The following SNX29 variants were observed in gnomAD, a reference collection of about 807,000 sequenced individuals.
The protein encoded by SNX29 is sorting nexin 29.
A neutral mutation model predicts 102.1 loss-of-function variants in SNX29; 78 were observed. The observed-to-expected ratio is 0.76, with a 90% CI of 0.64 to 0.92. SNX29 has a LOEUF of 0.92. Ranked by LOEUF, SNX29 falls within the 40% of genes least tolerant of loss-of-function variation. The pLI is 0.00. For synonymous variants in SNX29, 580 were observed against 414.5 expected, an observed-to-expected ratio of 1.40 and a Z score of -4.85; for missense variants, 1,280 against 1,061.7, an observed-to-expected ratio of 1.21 and a Z score of -2.86.
chr16:12,354,153 G>C (rs1213316438), intron 15 of SNX29, among the ~76,000 whole-genome samples: 1 of 152,186 alleles, frequency 6.6e-6, no homozygotes, highest in African/African-American at 2.4e-5. Flanking sequence ...AGTTATTCGA[G>C]GAACAGTAAG....
chr16:12,260,764 TTC>T (rs1491250817), intron 14 of SNX29, among the ~76,000 whole-genome samples: 871 of 41,856 alleles, frequency 0.021, no homozygotes, highest in African/African-American at 0.026. Flanking sequence ...GGAGTGAGTG[TTC>T]GCTGAGCTCC....
chr16:12,224,444 A>G (rs2077558374), intron 14 of SNX29, among the ~76,000 whole-genome samples: 1 of 152,172 alleles, frequency 6.6e-6, no homozygotes, highest in Admixed American at 6.5e-5. Flanking sequence ...GGGAGTGGTG[A>G]CTACACCACA....
In SNX29 at chr16:12,472,744, G is replaced by A. The variant is rs189904849; in HGVS notation, c.2038-4975G>A. ...TTTGGATTCTGTTCATTGACGGACT[G>A]AGGTTTTTGCATTTTTTTCTCCCCT... On this transcript the variant is annotated intron_variant, in intron 18 of 20. Transcript: ENST00000566228. Among the ~76,000 whole-genome samples, 515 of 152,094 alleles carry A rather than the reference G, an allele frequency of 3.4e-3. 1 individual carries two copies. The highest frequency in any genetic ancestry group is 0.012 in the African/African-American group (499 of 41,470).
chr16:12,202,044 G>T (rs1368445120), intron 14 of SNX29, among the ~76,000 whole-genome samples: 1 of 152,170 alleles, frequency 6.6e-6, no homozygotes, highest in Non-Finnish European at 1.5e-5. Flanking sequence ...GCCATTTCAG[G>T]ATGTAGTTGC....
At chr16:12,467,213 G>A (rs1238286624) in intron 18 of SNX29, among the ~76,000 whole-genome samples, 1 of 152,178 alleles carries the variant, frequency 6.6e-6, no homozygotes, top group Non-Finnish European at 1.5e-5. Flanking sequence ...AAGTGAATGG[G>A]CCAACCATGG....
At chr16:12,057,935 A>C (rs1402495881) in intron 8 of SNX29, among the ~76,000 whole-genome samples, 1 of 151,698 alleles carries the variant, frequency 6.6e-6, no homozygotes, top group African/African-American at 2.4e-5. Flanking sequence ...CTCCTGCCTC[A>C]GCCTCCCAAG....
At chr16:12,030,936 C>A (rs1444169902) in intron 4 of SNX29, among the ~76,000 whole-genome samples, 1 of 152,172 alleles carries the variant, frequency 6.6e-6, no homozygotes, top group African/African-American at 2.4e-5. Context: ...CTGCCACGCC[C>A]CTGCCTTGGG....
At chr16:12,078,674 G>A (rs150322229) in intron 10 of SNX29, among the ~76,000 whole-genome samples, 159 bp from the exon 11 acceptor site, 4 of 152,284 alleles carry the variant, frequency 2.6e-5, no homozygotes, top group East Asian at 3.9e-4. Context: ...TTCCAAATAC[G>A]GAATCTGCAG....
intron 20 of SNX29, among the ~76,000 whole-genome samples, chr16:12,562,995 T>G (rs1398322882): frequency 7.0e-6 from 1 of 143,868 alleles, no homozygotes; most frequent in Non-Finnish European, 1.5e-5. Context: ...TAAGAAAAAC[T>G]GCTTCAATGC....
At chr16:12,498,444 A>G (rs2088940050) in intron 19 of SNX29, among the ~76,000 whole-genome samples, 1 of 152,238 alleles carries the variant, frequency 6.6e-6, no homozygotes, top group Non-Finnish European at 1.5e-5. Context: ...GGGGATGACC[A>G]GTAGCAGGAG....
intron 15 of SNX29, among the ~76,000 whole-genome samples, chr16:12,329,380 G>A (rs1333850165): frequency 6.6e-6 from 1 of 151,940 alleles, no homozygotes; most frequent in African/African-American, 2.4e-5. Context: ...ATACTGGGTT[G>A]CTACTAGCAG....
chr16:12,539,107 T>G (rs1174688852), intron 20 of SNX29, among the ~76,000 whole-genome samples: 1 of 152,194 alleles, frequency 6.6e-6, no homozygotes, highest in South Asian at 2.1e-4. Context: ...CCTACTTGCC[T>G]TTACTTTCAC....
chr16:12,178,614 A>G (rs1354355926), intron 13 of SNX29, among the ~76,000 whole-genome samples: 1 of 152,214 alleles, frequency 6.6e-6, no homozygotes, highest in African/African-American at 2.4e-5. Context: ...GACTTTTTGT[A>G]TAGGAGATCA....
At chr16:12,051,822 G>A in intron 7 of SNX29, 25 bp from the exon 8 acceptor site, 1 of 1,595,298 alleles carries the variant, frequency 6.3e-7, no homozygotes, top group Non-Finnish European at 8.5e-7. Context: ...TTCTTATACT[G>A]TATCTTTTTT....
intron 11 of SNX29, among the ~76,000 whole-genome samples, chr16:12,093,246 C>T (rs1374988948): frequency 6.6e-6 from 1 of 152,148 alleles, no homozygotes; most frequent in East Asian, 1.9e-4. Context: ...TGTCAGTGAT[C>T]ACGGCAAGTT....
rs2079136871 is a variant in SNX29, at chr16:12,569,371, A to C, written c.*742A>C. The C allele has an allele frequency of 4.3e-6, 1 of 229,998 alleles. No individual in the cohort carries two copies. Among genetic ancestry groups the C allele is most frequent in the African/African-American group, 2.2e-5 (1 of 45,030 alleles). 14.2% of individuals were successfully genotyped at this position (229,998 alleles called of 1,614,324 possible). ...CCCTCGCCAGGCTTGGAGTGGGGGG[A>C]CTCAGACATCTGGCCCAGCCATCAG... On this transcript the variant is annotated 3_prime_UTR_variant, in exon 21 of 21. Coordinates refer to ENST00000566228, the MANE Select transcript of SNX29 (RefSeq NM_032167.5).
intron 20 of SNX29, among the ~76,000 whole-genome samples, chr16:12,563,322 G>C (rs541635064): frequency 6.6e-6 from 1 of 152,142 alleles, no homozygotes. Context: ...ACTGGAGAGA[G>C]TCACCGTCGA....
intron 14 of SNX29, among the ~76,000 whole-genome samples, chr16:12,245,042 A>C (rs1461888534): frequency 2.0e-5 from 3 of 152,334 alleles, no homozygotes; most frequent in African/African-American, 7.2e-5. Context: ...GAAAGGGCAT[A>C]GTTTTCTTAC....
chr16:12,133,059 T>C (rs530662736), intron 13 of SNX29, among the ~76,000 whole-genome samples: 25 of 151,824 alleles, frequency 1.6e-4, no homozygotes, highest in African/African-American at 6.0e-4. Context: ...GGCAGTGGAG[T>C]GTCGCAGGCT....
Sources: allele counts gnomAD v4.1 joint callset (sites outside exome capture counted in the v4.1 genomes callset), GRCh38; gene constraint gnomAD v4.1.1; transcripts MANE v1.5; gene names NCBI Gene and HGNC (gene_info 2026-07-23, HGNC 2026-07-21).